Variants in CAMK4 observed in about 807,000 individuals in gnomAD.
The protein encoded by CAMK4 is calcium/calmodulin dependent protein kinase IV.
A neutral mutation model predicts 44.9 loss-of-function variants in CAMK4; 22 were observed. The observed-to-expected ratio is 0.49, with a 90% confidence interval of 0.35 to 0.70. CAMK4 has a LOEUF of 0.70. CAMK4 is among the 30% of genes least tolerant of loss of function. CAMK4 has a pLI of 0.01. For synonymous variants in CAMK4, 218 were observed against 215.4 expected (o/e 1.01, Z -0.11); for missense variants, 498 against 586.8 (o/e 0.85, Z 1.56).
Position 111,224,458 on chromosome 5 carries a change from G to A in CAMK4, c.-26G>A. 1.9e-6 allele frequency: 3 copies of A among 1,564,110 alleles called. No individual in the cohort carries two copies. Among genetic ancestry groups the A allele is most frequent in the Non-Finnish European group, 2.6e-6 (3 of 1,159,526 alleles). On this transcript the variant is annotated 5_prime_UTR_variant, in exon 1 of 11. Transcript: ENST00000282356. This position sits in a 1 kb window ranked among gnomAD's most constrained non-coding sequence, Gnocchi z 5.7. ...TCGGGCAGCGGCGGCGGCGGCGGCG[G>A]CGGCTTCCGGAGTCCCGCTGCGAAG...
chr5:111,233,731 C>T (rs931549590), intron 1 of CAMK4, among the ~76,000 whole-genome samples: 1 of 151,930 alleles, frequency 6.6e-6, no homozygotes, highest in African/African-American at 2.4e-5. Flanking sequence ...GTTGAATAAT[C>T]CTTCTATATG....
intron 1 of CAMK4, among the ~76,000 whole-genome samples, chr5:111,264,738 A>G (rs1750155152): frequency 6.6e-6 from 1 of 152,064 alleles, no homozygotes; most frequent in Admixed American, 6.5e-5. Flanking sequence ...GCAAGGTTCC[A>G]AGGATGGAAC....
chr5:111,464,985 C>G (rs57598349), intron 7 of CAMK4, among the ~76,000 whole-genome samples: 1 of 152,124 alleles, frequency 6.6e-6, no homozygotes, highest in African/African-American at 2.4e-5. Context: ...ACCAAGGAGA[C>G]AGCCCCTACT....
chr5:111,403,699 A>T (rs775864145), intron 5 of CAMK4, among the ~76,000 whole-genome samples: 8 of 152,234 alleles, frequency 5.3e-5, no homozygotes, highest in African/African-American at 1.9e-4. Flanking sequence ...GGAACAGAAT[A>T]ATAATCAACA....
chr5:111,465,042 C>T (rs987498880), intron 7 of CAMK4, among the ~76,000 whole-genome samples: 4 of 152,160 alleles, frequency 2.6e-5, no homozygotes, highest in African/African-American at 9.7e-5. Context: ...TATATTGAGC[C>T]AGACATCTGT....
chr5:111,223,723 T>C (rs1447065336), upstream of CAMK4: 1 of 152,438 alleles, frequency 6.6e-6, no homozygotes, highest in Non-Finnish European at 1.5e-5. The surrounding 1 kb of genome is among the most constrained non-coding windows in gnomAD (Gnocchi z 4.3). Flanking sequence ...CAGGTCAGTG[T>C]GGACCTGGGC....
At chr5:111,409,400 G>T (rs1391964866) in intron 5 of CAMK4, among the ~76,000 whole-genome samples, 1 of 152,178 alleles carries the variant, frequency 6.6e-6, no homozygotes, top group Non-Finnish European at 1.5e-5. Flanking sequence ...TGAAGCAGCT[G>T]GGACACAAGG....
At chr5:111,239,261 T>A (rs1748882442) in intron 1 of CAMK4, among the ~76,000 whole-genome samples, 1 of 152,216 alleles carries the variant, frequency 6.6e-6, no homozygotes, top group Non-Finnish European at 1.5e-5. Flanking sequence ...CCTATGATGC[T>A]TACGATTAAT....
chr5:111,395,981 A>T (rs1393418841), intron 5 of CAMK4, among the ~76,000 whole-genome samples: 1 of 152,190 alleles, frequency 6.6e-6, no homozygotes, highest in Non-Finnish European at 1.5e-5. Flanking sequence ...CAATACCTTG[A>T]GAAGTCAGCC....
chr5:111,355,402 C>T (rs1160236475), intron 2 of CAMK4, among the ~76,000 whole-genome samples: 1 of 152,032 alleles, frequency 6.6e-6, no homozygotes, highest in East Asian at 1.9e-4. Flanking sequence ...AAAGTCAGAA[C>T]ATTCTTCCAG....
intron 1 of CAMK4, among the ~76,000 whole-genome samples, chr5:111,309,440 C>G (rs576741270): frequency 4.7e-4 from 72 of 152,254 alleles, no homozygotes; most frequent in African/African-American, 1.5e-3. Flanking sequence ...CACTCTTGGG[C>G]AAAATATGTG....
At chr5:111,342,434 G>T (rs1749683741) in intron 1 of CAMK4, among the ~76,000 whole-genome samples, 2 of 151,326 alleles carry the variant, frequency 1.3e-5, no homozygotes, top group African/African-American at 4.8e-5. Context: ...GCTTTCTTAT[G>T]GTTAGGGTTT....
At chr5:111,316,692 G>T (rs998878571) in intron 1 of CAMK4, among the ~76,000 whole-genome samples, 2 of 152,062 alleles carry the variant, frequency 1.3e-5, no homozygotes, top group Admixed American at 6.6e-5. Context: ...GTGACATTGT[G>T]GTTATATTAG....
At chr5:111,300,514 A>T (rs1747676011) in intron 1 of CAMK4, among the ~76,000 whole-genome samples, 1 of 152,212 alleles carries the variant, frequency 6.6e-6, no homozygotes, top group Non-Finnish European at 1.5e-5. Context: ...CAAAGAAAAA[A>T]ATTTAAATTA....
At chr5:111,438,329 C>G (rs544726379) in intron 5 of CAMK4, among the ~76,000 whole-genome samples, 2 of 152,264 alleles carry the variant, frequency 1.3e-5, no homozygotes, top group Non-Finnish European at 2.9e-5. Flanking sequence ...ACCTTTAATT[C>G]TCAAACCGCT....
At chr5:111,354,160 A>G (rs1273386023) in intron 2 of CAMK4, among the ~76,000 whole-genome samples, 5 of 152,120 alleles carry the variant, frequency 3.3e-5, no homozygotes, top group Admixed American at 1.3e-4. Context: ...GGAGGACACT[A>G]TGCTAAGTGA....
At chr5:111,335,394 A>G (rs1323704048) in intron 1 of CAMK4, among the ~76,000 whole-genome samples, 1 of 151,314 alleles carries the variant, frequency 6.6e-6, no homozygotes, top group East Asian at 1.9e-4. Context: ...TTGAATCCAT[A>G]TGGGTATCTG....
chr5:111,326,309 A>C (rs1748885615), intron 1 of CAMK4, among the ~76,000 whole-genome samples: 1 of 152,034 alleles, frequency 6.6e-6, no homozygotes, highest in South Asian at 2.1e-4. Flanking sequence ...AGATATTATG[A>C]ACAAATAACA....
At position 111,322,664 on chromosome 5, in the gene CAMK4, G is replaced by A. The variant is rs1224231785; in HGVS notation, c.162-21360G>A. Among the ~76,000 whole-genome samples, 8 of 152,092 alleles carry A rather than the reference G, an allele frequency of 5.3e-5. No homozygotes were observed. In the East Asian group the frequency reaches 7.8e-4, roughly 15 times the overall value. ...CTAGAATCAGGGTGGGGTGGGTGTA[G>A]GGAGAGTCAATAAAATAGACTTGGA... On this transcript the variant is annotated intron_variant, in intron 1 of 10. Transcript: ENST00000282356.
Sources: gnomAD v4.1 joint callset for allele counts (sites outside exome capture counted in the v4.1 genomes callset) on GRCh38, gnomAD v4.1.1 for gene constraint, Gnocchi (gnomAD v3.1) non-coding constraint, MANE v1.5 for transcripts, NCBI Gene and HGNC (gene_info 2026-07-23, HGNC 2026-07-21) for gene names.